POLR1A: variants seen among roughly 807,000 people sequenced by gnomAD.
POLR1A encodes the protein RNA polymerase I subunit A.
Under a neutral mutation model 205.3 loss-of-function variants are expected in POLR1A, and 84 were observed. That is an observed-to-expected ratio of 0.41 (90% CI 0.34 to 0.49). POLR1A has a LOEUF of 0.49. Ranked by LOEUF, POLR1A falls within the 20% of genes least tolerant of loss-of-function variation. The pLI, the probability that POLR1A is intolerant of heterozygous loss-of-function variation, is 0.22. For synonymous variants in POLR1A, 799 were observed against 863.7 expected (o/e 0.93, Z 1.31); for missense variants, 1,645 against 2,204.5 (o/e 0.75, Z 5.08).
Position 86,039,335 on chromosome 2 carries a change from A to C in POLR1A, c.3868T>G (p.Leu1290Val). The C allele has an allele frequency of 6.2e-7, 1 of 1,614,034 alleles. No homozygotes were observed. Among genetic ancestry groups the C allele is most frequent in the Non-Finnish European group, 8.5e-7 (1 of 1,180,014 alleles). Residue 1290 changes from leucine (L) to valine (V), a missense_variant, in exon 26 of 34, where the codon TTG (leucine) becomes GTG (valine). Physicochemically the swap from Leu to Val is conservative, Grantham distance 32. This residue lies in a region of POLR1A where 394 missense variants were observed against 468.5 expected (regional missense o/e 0.84). Transcript: ENST00000263857. ...GGAAGGAGAGACGTTACCTCCCCCA[A>C]GCACACCCTGGTGAGTTGCTTCTTC... ...SLKKQLTRVCLGEVLQKIDVQ... is the reference protein window; with the variant it reads ...SLKKQLTRVCVGEVLQKIDVQ...
intron 3 of POLR1A, 89 bp downstream of exon 3, chr2:86,098,522 G>C: frequency 7.6e-7 from 1 of 1,317,264 alleles, no homozygotes; most frequent in Non-Finnish European, 1.1e-6. Flanking sequence ...ATGACTATCG[G>C]CATGGTAACT....
chr2:86,068,194 C>T (rs1486070458), intron 13 of POLR1A, among the ~76,000 whole-genome samples: 1 of 152,160 alleles, frequency 6.6e-6, no homozygotes, highest in Admixed American at 6.5e-5. Context: ...ATAGCTAATG[C>T]CTCAGGTCAC....
intron 3 of POLR1A, among the ~76,000 whole-genome samples, chr2:86,094,363 C>T (rs1334766874): frequency 6.6e-6 from 1 of 152,196 alleles, no homozygotes; most frequent in East Asian, 1.9e-4. Flanking sequence ...GATGCTCAAA[C>T]TGTCCTAGAT....
Position 86,023,563 on chromosome 2 carries a change from G to C in POLR1A, c.*3860C>G, listed in dbSNP as rs1359481681. 1 of 152,104 alleles carries C rather than the reference G, an allele frequency of 6.6e-6. No individual in the cohort carries two copies. The highest frequency in any genetic ancestry group is 1.5e-5 in the Non-Finnish European group (1 of 68,032). 9.4% of individuals were successfully genotyped at this position (152,104 alleles called of 1,614,324 possible). ...GAGATGGCACCTCATACACATTAGG[G>C]TGGCTACTATTAACAAGAACAAGGA... On this transcript the variant is annotated 3_prime_UTR_variant, in exon 34 of 34. Transcript: ENST00000263857.
rs1181681532 is a variant in POLR1A at position 86,025,661 on chromosome 2, G to A, written c.*1762C>T. 2.0e-5 allele frequency: 3 copies of A among 152,320 alleles called. No individual in the cohort carries two copies. Among genetic ancestry groups the A allele is most frequent in the African/African-American group, 7.2e-5 (3 of 41,476 alleles). The allele number at this position is 152,320 out of a possible 1,614,324, so 9.4% of individuals were successfully genotyped here. On this transcript the variant is annotated 3_prime_UTR_variant, in exon 34 of 34. Transcript: ENST00000263857. ...ATGCAGGGCTTGCTCCTTCGCCTCT[G>A]CGCCCTCAGTGCCTGGGAGAGATGG...
intron 3 of POLR1A, among the ~76,000 whole-genome samples, chr2:86,090,169 G>A (rs192408018): frequency 2.0e-5 from 3 of 152,126 alleles, no homozygotes; most frequent in South Asian, 2.1e-4. Flanking sequence ...AGAGGCAGGC[G>A]GATCACTAGA....
intron 25 of POLR1A, among the ~76,000 whole-genome samples, chr2:86,039,684 C>T (rs540338372): frequency 1.1e-3 from 172 of 152,344 alleles, no homozygotes; most frequent in African/African-American, 3.9e-3. Context: ...TCCTTGTGCT[C>T]AGGGCTTTGT....
At chr2:86,040,607 G>A (rs769586992) in intron 24 of POLR1A, 48 bp from the exon 25 acceptor site, 2 of 1,402,720 alleles carry the variant, frequency 1.4e-6, no homozygotes, top group South Asian at 1.4e-5. Context: ...GCAGGGGTCA[G>A]GAGCAGACAC....
In POLR1A at chr2:86,048,740, C is replaced by T; in HGVS notation, c.2634+144G>A. 4.2e-6 allele frequency: 3 copies of T among 709,954 alleles called. No homozygotes were observed. The South Asian group carries it at 5.4e-5, about 13-fold the overall frequency. 44.0% of individuals were successfully genotyped at this position (709,954 alleles called of 1,614,324 possible). A position where few individuals can be genotyped will look rare whatever the true frequency, so the allele number is the denominator to read the frequency against. On this transcript the variant is annotated intron_variant, in intron 18 of 33. Coordinates refer to ENST00000263857, the MANE Select transcript of POLR1A (RefSeq NM_015425.6). ...CCTGGGCCCTTCAAAACAACGAGTTCTACCCATCCCACCTCGCATCTCACC... is the reference window on the plus strand; with the variant it reads ...CCTGGGCCCTTCAAAACAACGAGTTTTACCCATCCCACCTCGCATCTCACC...
rs948669671 is a variant in POLR1A, at chr2:86,024,445, G to T, written c.*2978C>A. ...TAGGGCAAAGTGAAGAGAAAAGAAGGTTCAAGTTCCAGACTGGGGATGAGA... is the reference window on the plus strand; with the variant it reads ...TAGGGCAAAGTGAAGAGAAAAGAAGTTTCAAGTTCCAGACTGGGGATGAGA... On this transcript the variant is annotated 3_prime_UTR_variant, in exon 34 of 34. Coordinates refer to ENST00000263857, the MANE Select transcript of POLR1A (RefSeq NM_015425.6). 6.6e-6 allele frequency: 1 copy of T among 152,360 alleles called. No homozygotes were observed. Among genetic ancestry groups the T allele is most frequent in the Admixed American group, 6.5e-5 (1 of 15,286 alleles). The allele number at this position is 152,360 out of a possible 1,614,324, so 9.4% of individuals were successfully genotyped here.
intron 15 of POLR1A, 66 bp from the exon 16 acceptor site, chr2:86,053,066 C>G (rs1672834545): frequency 8.0e-7 from 1 of 1,242,528 alleles, no homozygotes; most frequent in Non-Finnish European, 1.1e-6. Context: ...CACCCACCCT[C>G]TACTCCATGT....
At chr2:86,036,380 G>A (rs1168250292) in intron 27 of POLR1A, among the ~76,000 whole-genome samples, 1 of 152,078 alleles carries the variant, frequency 6.6e-6, no homozygotes, top group Non-Finnish European at 1.5e-5. Flanking sequence ...GGCCTTCTAC[G>A]CTTGTATATC....
chr2:86,092,747 C>T (rs893190285), intron 3 of POLR1A, among the ~76,000 whole-genome samples: 3 of 152,156 alleles, frequency 2.0e-5, no homozygotes, highest in Non-Finnish European at 4.4e-5. Context: ...ATCACTTGAA[C>T]CCGGGAGGTG....
intron 12 of POLR1A, among the ~76,000 whole-genome samples, chr2:86,071,553 T>C (rs568496579): frequency 1.3e-5 from 2 of 152,326 alleles, no homozygotes; most frequent in Admixed American, 6.5e-5. Flanking sequence ...GAAAGAAATA[T>C]TGAACAAGTG....
At chr2:86,069,307 T>C (rs1673135246) in intron 13 of POLR1A, among the ~76,000 whole-genome samples, 1 of 152,134 alleles carries the variant, frequency 6.6e-6, no homozygotes, top group African/African-American at 2.4e-5. Flanking sequence ...GGGTGGGTGG[T>C]GAGGGTGAAG....
rs1488244915 is a variant in POLR1A, at chr2:86,075,228, T to A, written c.1413A>T (p.Pro471=). The part of the protein sequence containing the change: ...VFATKLTYPQ[P]VTPWNVQELR... ...GTTCCTGAACATTCCATGGGGTAAC[T>A]GGCTGTGGGTAGGTCAGTTTTGTGG... Residue 471 remains proline, a synonymous_variant, in exon 12 of 34, where the codon CCA becomes CCT. Transcript: ENST00000263857. The A allele has an allele frequency of 6.2e-7, 1 of 1,610,850 alleles. No individual in the cohort carries two copies. The highest frequency in any genetic ancestry group is 8.5e-7 in the Non-Finnish European group (1 of 1,178,294).
intron 11 of POLR1A, 79 bp downstream of exon 11, chr2:86,077,780 C>T (rs886682777): frequency 1.9e-5 from 29 of 1,528,718 alleles, no homozygotes; most frequent in African/African-American, 4.2e-5. Context: ...CTGCCACCCA[C>T]GGGGAGCAAA....
chr2:86,054,179 G>A lies in POLR1A; in HGVS notation c.2169C>T (p.Ser723=), dbSNP rs747194195. 5.6e-6 allele frequency: 9 copies of A among 1,613,846 alleles called. No individual in the cohort carries two copies. Among genetic ancestry groups the A allele is most frequent in the South Asian group, 3.3e-5 (3 of 91,080 alleles). Residue 723 remains serine (S), a synonymous_variant, in exon 15 of 34, where the codon TCC becomes TCT. Transcript: ENST00000263857. ...GKAWVKETPR[S]VPGFNPDSMC... is the part of the protein sequence containing the mutation. ...TCGAGTCAGGGTTAAAGCCAGGAAC[G>A]GATCGAGGAGTTTCCTTCACCCAGG...
chr2:86,077,047 A>T (rs1673298729), intron 11 of POLR1A, among the ~76,000 whole-genome samples: 1 of 152,222 alleles, frequency 6.6e-6, no homozygotes, highest in African/African-American at 2.4e-5. Context: ...CAAAGAGATG[A>T]GGCCATGGGG....
Sources: allele counts gnomAD v4.1 joint callset (sites outside exome capture counted in the v4.1 genomes callset), GRCh38; gene constraint gnomAD v4.1.1; regional missense constraint gnomAD v4.1.1; transcripts MANE v1.5; gene names NCBI Gene and HGNC (gene_info 2026-07-23, HGNC 2026-07-21).